The following CAMKMT variants were observed in gnomAD, a reference collection of about 807,000 sequenced individuals.
CAMKMT encodes CaM KMT.
Under a neutral mutation model 48.0 loss-of-function variants are expected in CAMKMT, and 53 were observed. The ratio of observed to expected loss-of-function variants is 1.10; its 90% CI spans 0.89 to 1.39. The LOEUF is 1.39. Ranked by LOEUF, CAMKMT falls within the 40% of genes most tolerant of loss-of-function variation. CAMKMT has a pLI of 0.00. For synonymous variants in CAMKMT, 165 were observed against 152.3 expected, an observed-to-expected ratio of 1.08 and a Z score of -0.61; for missense variants, 428 against 402.7, an observed-to-expected ratio of 1.06 and a Z score of -0.54.
rs148001514 is a variant in CAMKMT at position 44,482,728 on chromosome 2, A to G, written c.376+92423A>G. 4.4e-3 allele frequency among the ~76,000 whole-genome samples: 666 copies of G among 152,234 alleles called. 3 individuals are homozygous for G. The highest frequency in any genetic ancestry group is 0.016 in the African/African-American group (645 of 41,552). On this transcript the variant is annotated intron_variant, in intron 3 of 10. Coordinates refer to ENST00000378494, the MANE Select transcript of CAMKMT (RefSeq NM_024766.5). ...TTTTTTCACAGGCCTGAAACTCTGT[A>G]GAATCCATGTTGGATATTATTAATG... is the stretch of plus-strand genomic sequence containing the variant.
At chr2:44,749,921 C>G (rs903400833) in intron 8 of CAMKMT, among the ~76,000 whole-genome samples, 1 of 152,172 alleles carries the variant, frequency 6.6e-6, no homozygotes, top group Non-Finnish European at 1.5e-5. Flanking sequence ...TCAGAAGGGT[C>G]TGACCTGCAG....
chr2:44,384,767 C>T (rs1471139061), intron 2 of CAMKMT, among the ~76,000 whole-genome samples: 1 of 151,914 alleles, frequency 6.6e-6, no homozygotes, highest in African/African-American at 2.4e-5. Flanking sequence ...GTTTTGTTTA[C>T]TTTGTCAAAG....
chr2:44,772,189 G>C lies in CAMKMT; in HGVS notation c.*76G>C. The C allele has an allele frequency of 7.8e-7, 1 of 1,277,180 alleles. No individual in the cohort carries two copies. Among genetic ancestry groups the C allele is most frequent in the Non-Finnish European group, 1.1e-6 (1 of 883,356 alleles). 79.1% of individuals were successfully genotyped at this position (1,277,180 alleles called of 1,614,324 possible). ...TTTTTACAAAAACGGAAATCTGTAA[G>C]GGGTATAATCGCCTGCCTGCGCCCT... On this transcript the variant is annotated 3_prime_UTR_variant, in exon 11 of 11. Coordinates refer to ENST00000378494, the MANE Select transcript of CAMKMT (RefSeq NM_024766.5).
chr2:44,453,089 A>C lies in CAMKMT; in HGVS notation c.376+62784A>C, dbSNP rs184963277. 3.0e-3 allele frequency among the ~76,000 whole-genome samples: 463 copies of C among 152,158 alleles called. 2 individuals carry two copies. Among genetic ancestry groups the C allele is most frequent in the African/African-American group, 0.011 (446 of 41,576 alleles). ...CCAGTTAACAACTTATCATGTATTC[A>C]TGGAGACGACAATGCTTGCTCACAT... is the stretch of plus-strand genomic sequence containing the variant. On this transcript the variant is annotated intron_variant, in intron 3 of 10. Coordinates refer to ENST00000378494, the MANE Select transcript of CAMKMT (RefSeq NM_024766.5).
At chr2:44,602,569 G>A (rs1671058911) in intron 3 of CAMKMT, among the ~76,000 whole-genome samples, 1 of 152,040 alleles carries the variant, frequency 6.6e-6, no homozygotes, top group Admixed American at 6.5e-5. Flanking sequence ...GAAGAAAAGA[G>A]ATTTAATTGA....
intron 3 of CAMKMT, among the ~76,000 whole-genome samples, chr2:44,623,521 G>A (rs193251195): frequency 6.6e-6 from 1 of 152,070 alleles, no homozygotes; most frequent in East Asian, 1.9e-4. Flanking sequence ...TAGCTAGGGG[G>A]CCAGTTTCAT....
intron 9 of CAMKMT, among the ~76,000 whole-genome samples, chr2:44,764,435 CG>C (rs533084621): frequency 4.9e-4 from 75 of 152,088 alleles, no homozygotes; most frequent in African/African-American, 1.7e-3. Context: ...CACAATTTGT[CG>C]GGGGGAAAAA....
chr2:44,383,129 C>T (rs1036515364), intron 2 of CAMKMT, among the ~76,000 whole-genome samples: 1 of 151,682 alleles, frequency 6.6e-6, no homozygotes, highest in Non-Finnish European at 1.5e-5. Flanking sequence ...GTCCTACCTC[C>T]TCTTTTTTTT....
intron 3 of CAMKMT, among the ~76,000 whole-genome samples, chr2:44,685,049 A>G (rs936177598): frequency 1.3e-5 from 2 of 152,140 alleles, no homozygotes; most frequent in African/African-American, 4.8e-5. Context: ...GCATAACTTC[A>G]TGTGCATCGT....
chr2:44,665,198 G>T (rs1380287274), intron 3 of CAMKMT, among the ~76,000 whole-genome samples: 1 of 152,132 alleles, frequency 6.6e-6, no homozygotes, highest in Non-Finnish European at 1.5e-5. Context: ...AGCCTCCTGA[G>T]TAGCTGGGAT....
At chr2:44,408,375 A>C (rs774259371) in intron 3 of CAMKMT, among the ~76,000 whole-genome samples, 4 of 152,220 alleles carry the variant, frequency 2.6e-5, no homozygotes, top group African/African-American at 4.8e-5. Flanking sequence ...AGTAAAGTAA[A>C]GATAATGACA....
chr2:44,772,319 G>C lies in CAMKMT; in HGVS notation c.*206G>C. ...CCCCGCCTCTTTTTACACTCTGCTT[G>C]TTGCTCGTCCTGCCCTAAACCTTTG... On this transcript the variant is annotated 3_prime_UTR_variant, in exon 11 of 11. Coordinates refer to ENST00000378494, the MANE Select transcript of CAMKMT (RefSeq NM_024766.5). 1 of 508,144 alleles carries C rather than the reference G, an allele frequency of 2.0e-6. No homozygotes were observed. Among genetic ancestry groups the C allele is most frequent in the Middle Eastern group, 3.1e-4 (1 of 3,274 alleles). 31.5% of individuals were successfully genotyped at this position (508,144 alleles called of 1,614,324 possible).
chr2:44,423,253 C>T (rs1382234436), intron 3 of CAMKMT, among the ~76,000 whole-genome samples: 1 of 152,104 alleles, frequency 6.6e-6, no homozygotes, highest in Non-Finnish European at 1.5e-5. Context: ...GATCTCGGCT[C>T]ACTGCAACCT....
rs1038100664 is a variant in CAMKMT at position 44,570,436 on chromosome 2, A to T, written c.377-133847A>T. Among the ~76,000 whole-genome samples the T allele has an allele frequency of 2.0e-5, 3 of 152,188 alleles. No homozygotes were observed. The East Asian group carries it at 5.8e-4, about 29-fold the overall frequency. ...AATACTAAATCTGTTAGAGGAATAG[A>T]TTTATCATCTTCTTTCAAACAATTA... On this transcript the variant is annotated intron_variant, in intron 3 of 10. Transcript: ENST00000378494.
At chr2:44,582,411 A>G (rs922452063) in intron 3 of CAMKMT, among the ~76,000 whole-genome samples, 7 of 152,222 alleles carry the variant, frequency 4.6e-5, no homozygotes, top group African/African-American at 1.4e-4. Context: ...GCGATACTTA[A>G]ACATAATTCT....
intron 2 of CAMKMT, among the ~76,000 whole-genome samples, chr2:44,388,491 G>C (rs1680995494): frequency 2.0e-5 from 3 of 152,086 alleles, no homozygotes; most frequent in Non-Finnish European, 2.9e-5. Flanking sequence ...CTAACCTCCT[G>C]AATTCTTTTT....
chr2:44,511,410 A>G (rs1302537639), intron 3 of CAMKMT, among the ~76,000 whole-genome samples: 1 of 152,094 alleles, frequency 6.6e-6, no homozygotes, highest in Non-Finnish European at 1.5e-5. Flanking sequence ...TGCCTCAGCT[A>G]CCTGAGTAGC....
At chr2:44,518,111 A>G (rs577447872) in intron 3 of CAMKMT, among the ~76,000 whole-genome samples, 11 of 152,152 alleles carry the variant, frequency 7.2e-5, no homozygotes, top group South Asian at 2.1e-4. Context: ...CTACTATTCA[A>G]TTTTGGAGGA....
chr2:44,736,214 A>T (rs1679349164), intron 7 of CAMKMT, among the ~76,000 whole-genome samples: 1 of 151,872 alleles, frequency 6.6e-6, no homozygotes, highest in African/African-American at 2.4e-5. Flanking sequence ...CTGGTGATTA[A>T]TTCCTTCAGC....
Sources: allele counts gnomAD v4.1 joint callset (sites outside exome capture counted in the v4.1 genomes callset), GRCh38; gene constraint gnomAD v4.1.1; transcripts MANE v1.5; gene names NCBI Gene and HGNC (gene_info 2026-07-23, HGNC 2026-07-21).